The following STPG2 variants were observed in gnomAD, a reference collection of about 807,000 sequenced individuals.
The protein encoded by STPG2 is sperm tail PG-rich repeat containing 2.
A neutral mutation model predicts 54.2 loss-of-function variants in STPG2; 56 were observed. That is an observed-to-expected ratio of 1.03 (90% CI 0.83 to 1.29). The LOEUF is 1.29. Among genes scored for constraint, STPG2 ranks in the 50% most tolerant of loss-of-function variants. The probability of loss-of-function intolerance (pLI) is 0.00; values close to 1 mark genes in which losing one functional copy is unlikely to be tolerated. For synonymous variants in STPG2, 200 were observed against 181.8 expected, an observed-to-expected ratio of 1.10 and a Z score of -0.81; for missense variants, 596 against 544.9, an observed-to-expected ratio of 1.09 and a Z score of -0.93.
At chr4:97,566,608 A>G (rs1328616137) in intron 10 of STPG2, among the ~76,000 whole-genome samples, 1 of 152,134 alleles carries the variant, frequency 6.6e-6, no homozygotes, top group Non-Finnish European at 1.5e-5. Context: ...CACTATTCAC[A>G]ACAGCAAAGA....
chr4:97,922,323 G>T (rs1248404951), intron 8 of STPG2, among the ~76,000 whole-genome samples: 1 of 151,694 alleles, frequency 6.6e-6, no homozygotes, highest in Non-Finnish European at 1.5e-5. Flanking sequence ...AGAAAAAAAG[G>T]AAAAAATAAT....
At chr4:98,113,298 C>A (rs1341303936) in intron 3 of STPG2, among the ~76,000 whole-genome samples, 1 of 151,840 alleles carries the variant, frequency 6.6e-6, no homozygotes, top group South Asian at 2.1e-4. Flanking sequence ...CTGAGACAGC[C>A]CCCAGGGATG....
chr4:97,784,068 TAAAAAAAA>T, intron 9 of STPG2, among the ~76,000 whole-genome samples: 1 of 120,444 alleles, frequency 8.3e-6, no homozygotes, highest in East Asian at 2.3e-4. Context: ...AAAGTATAAT[TAAAAAAAA>T]AAAAAGAAAA....
chr4:97,754,664 CA>C (rs1423628769), intron 9 of STPG2, among the ~76,000 whole-genome samples: 1 of 151,986 alleles, frequency 6.6e-6, no homozygotes, highest in Non-Finnish European at 1.5e-5. Flanking sequence ...TGTAGATGCC[CA>C]CTCTCCTAAA....
intron 7 of STPG2, among the ~76,000 whole-genome samples, chr4:97,971,451 A>T (rs1578744824): frequency 6.6e-6 from 1 of 152,190 alleles, no homozygotes; most frequent in African/African-American, 2.4e-5. Flanking sequence ...GCACATATAC[A>T]CCATGGAATA....
At chr4:97,947,337 A>G (rs1733272974) in intron 7 of STPG2, among the ~76,000 whole-genome samples, 1 of 152,168 alleles carries the variant, frequency 6.6e-6, no homozygotes, top group African/African-American at 2.4e-5. Flanking sequence ...ATATATAATC[A>G]TATCATTGGT....
chr4:98,030,651 A>T (rs1389924343), intron 5 of STPG2, among the ~76,000 whole-genome samples: 4 of 152,164 alleles, frequency 2.6e-5, no homozygotes, highest in Non-Finnish European at 5.9e-5. Flanking sequence ...GGCCTACAGT[A>T]ACCAAAACAG....
At chr4:97,898,062 T>A (rs996202461) in intron 8 of STPG2, among the ~76,000 whole-genome samples, 1 of 152,118 alleles carries the variant, frequency 6.6e-6, no homozygotes, top group Admixed American at 6.6e-5. Context: ...CTTTAATCCA[T>A]CCTGAGTTAA....
intron 4 of STPG2, among the ~76,000 whole-genome samples, chr4:97,539,887 T>A (rs907424913): frequency 1.3e-5 from 2 of 152,092 alleles, no homozygotes; most frequent in African/African-American, 4.8e-5. Flanking sequence ...ACTGGGTACA[T>A]AACGAAATGA....
At chr4:97,678,683 G>C (rs909839177) in intron 10 of STPG2, among the ~76,000 whole-genome samples, 2 of 151,458 alleles carry the variant, frequency 1.3e-5, no homozygotes, top group Non-Finnish European at 1.5e-5. Context: ...GTGCAGGTTA[G>C]TTACATATGT....
intron 4 of STPG2, among the ~76,000 whole-genome samples, chr4:97,479,529 T>C (rs1730166740): frequency 6.6e-6 from 1 of 151,922 alleles, no homozygotes; most frequent in South Asian, 2.1e-4. Flanking sequence ...TCCTTTCGAA[T>C]CTGACATTCT....
intron 1 of STPG2, among the ~76,000 whole-genome samples, chr4:98,137,261 T>C (rs549783883): frequency 6.6e-6 from 1 of 151,442 alleles, no homozygotes; most frequent in African/African-American, 2.4e-5. Flanking sequence ...TACTTCATAA[T>C]GATAAAGGGG....
At chr4:98,024,053 T>C (rs1271945931) in intron 5 of STPG2, among the ~76,000 whole-genome samples, 1 of 152,142 alleles carries the variant, frequency 6.6e-6, no homozygotes, top group Non-Finnish European at 1.5e-5. Flanking sequence ...GCACCCACTG[T>C]CTGGCACTCC....
intron 10 of STPG2, among the ~76,000 whole-genome samples, chr4:97,604,054 T>C (rs1733530584): frequency 6.6e-6 from 1 of 151,748 alleles, no homozygotes; most frequent in South Asian, 2.1e-4. Flanking sequence ...GAAAACTTTA[T>C]ATGGGAAAAT....
chr4:97,658,186 A>C (rs1011652498), intron 10 of STPG2, among the ~76,000 whole-genome samples: 4 of 152,172 alleles, frequency 2.6e-5, no homozygotes, highest in Non-Finnish European at 5.9e-5. Flanking sequence ...TAGCTGCTAT[A>C]ATGTGCTTTG....
At chr4:97,443,552 C>T (rs917249948) in intron 4 of STPG2, among the ~76,000 whole-genome samples, 11 of 152,074 alleles carry the variant, frequency 7.2e-5, no homozygotes, top group African/African-American at 2.4e-4. Context: ...TAGTTAATAT[C>T]TCTGACTTCC....
intron 10 of STPG2, among the ~76,000 whole-genome samples, chr4:97,696,927 G>A (rs1364502239): frequency 6.6e-6 from 1 of 152,118 alleles, no homozygotes; most frequent in Non-Finnish European, 1.5e-5. Flanking sequence ...TTTGTAAACA[G>A]GATTGGACCT....
chr4:97,680,254 C>T (rs1722990518), intron 10 of STPG2, among the ~76,000 whole-genome samples: 1 of 151,860 alleles, frequency 6.6e-6, no homozygotes, highest in South Asian at 2.1e-4. Context: ...TCTTCCTACC[C>T]ATGAGCATGG....
chr4:98,065,947 G>A (rs373490096), intron 5 of STPG2, among the ~76,000 whole-genome samples: 1 of 151,702 alleles, frequency 6.6e-6, no homozygotes, highest in African/African-American at 2.4e-5. Flanking sequence ...TTCCAAAATT[G>A]CTTCAAAATT....
Sources: allele counts gnomAD v4.1 joint callset (sites outside exome capture counted in the v4.1 genomes callset), GRCh38; gene constraint gnomAD v4.1.1; transcripts MANE v1.5; gene names NCBI Gene and HGNC (gene_info 2026-07-23, HGNC 2026-07-21).